The following FRMD4A variants were observed in gnomAD, a reference collection of about 807,000 sequenced individuals.
The protein encoded by FRMD4A is FERM domain containing 4A.
In FRMD4A, 29 loss-of-function variants were observed where a neutral mutation model predicts 129.1. The observed-to-expected ratio is 0.22, with a 90% CI of 0.17 to 0.31. The LOEUF is 0.31. Ranked by LOEUF, FRMD4A falls within the 10% of genes least tolerant of loss-of-function variation. The pLI is 1.00. For synonymous variants in FRMD4A, 634 were observed against 571.6 expected (o/e 1.11, Z -1.56); for missense variants, 1,272 against 1,375.8 (o/e 0.92, Z 1.19).
At chr10:13,858,556 A>C (rs988416224) in intron 3 of FRMD4A, among the ~76,000 whole-genome samples, 2 of 152,186 alleles carry the variant, frequency 1.3e-5, no homozygotes, top group African/African-American at 4.8e-5. Context: ...ATTGTAGTTA[A>C]CTCCTTCCAG....
chr10:13,666,063 G>A (rs1390095835), intron 18 of FRMD4A, 34 bp downstream of exon 18: 2 of 1,346,482 alleles, frequency 1.5e-6, no homozygotes, highest in Non-Finnish European at 1.1e-6. Flanking sequence ...CCCGGGCGTG[G>A]GAGTGGGGTG....
intron 2 of FRMD4A, among the ~76,000 whole-genome samples, chr10:14,103,737 A>T (rs935155529): frequency 3.9e-5 from 6 of 152,182 alleles, no homozygotes; most frequent in Non-Finnish European, 5.9e-5. Context: ...ACCTTATTTC[A>T]CTTGCCCGCC....
chr10:13,740,877 A>G lies in FRMD4A; in HGVS notation c.549-300T>C, dbSNP rs1024861007. 3.8e-5 allele frequency among the ~76,000 whole-genome samples: 5 copies of G among 132,542 alleles called. No homozygotes were observed. In the East Asian group the frequency reaches 6.8e-4, roughly 18 times the overall value. The allele number at this position is 132,542 out of a possible 152,430, so 87.0% of individuals were successfully genotyped here. Reference sequence around the variant, plus strand: ...AGTCTTGCTCTGTCACCCAGGCTAGAGTGCAATGGTGCGATCTTGGTTCAC... The same window carrying G: ...AGTCTTGCTCTGTCACCCAGGCTAGGGTGCAATGGTGCGATCTTGGTTCAC... On this transcript the variant is annotated intron_variant, in intron 9 of 24. Transcript: ENST00000357447.
chr10:13,846,419 G>T (rs1162149159), intron 3 of FRMD4A, among the ~76,000 whole-genome samples: 1 of 152,332 alleles, frequency 6.6e-6, no homozygotes, highest in African/African-American at 2.4e-5. Flanking sequence ...TGAGATCCCC[G>T]CAGAGCCTCC....
At chr10:14,281,937 A>G (rs539209769) in intron 2 of FRMD4A, among the ~76,000 whole-genome samples, 2 of 152,342 alleles carry the variant, frequency 1.3e-5, no homozygotes, top group African/African-American at 4.8e-5. Flanking sequence ...AGACATACCC[A>G]GAGATTGGGT....
intron 2 of FRMD4A, among the ~76,000 whole-genome samples, chr10:14,231,773 G>T (rs371178512): frequency 2.0e-5 from 3 of 152,260 alleles, no homozygotes; most frequent in African/African-American, 7.2e-5. Context: ...TTTTAAGGGG[G>T]TGGGTTGTGT....
intron 2 of FRMD4A, among the ~76,000 whole-genome samples, chr10:14,114,545 G>C: frequency 6.6e-6 from 1 of 152,104 alleles, no homozygotes; most frequent in Non-Finnish European, 1.5e-5. Flanking sequence ...ATGTAGGAGA[G>C]GAAGACCCAA....
At chr10:13,877,030 GA>G (rs1421553653) in intron 2 of FRMD4A, among the ~76,000 whole-genome samples, 1 of 152,084 alleles carries the variant, frequency 6.6e-6, no homozygotes, top group African/African-American at 2.4e-5. Flanking sequence ...TGCCCTCAGT[GA>G]TGGGTGAAGC....
At chr10:13,770,191 G>A (rs1331558748) in intron 6 of FRMD4A, among the ~76,000 whole-genome samples, 1 of 152,100 alleles carries the variant, frequency 6.6e-6, no homozygotes, top group African/African-American at 2.4e-5. Context: ...GGGCAAACAG[G>A]GGCTGTGGTG....
intron 3 of FRMD4A, among the ~76,000 whole-genome samples, chr10:13,832,641 A>C (rs2093808627): frequency 6.6e-6 from 1 of 151,864 alleles, no homozygotes; most frequent in African/African-American, 2.4e-5. Flanking sequence ...GCAACCTTGA[A>C]CTCTTGGGAT....
intron 9 of FRMD4A, among the ~76,000 whole-genome samples, chr10:13,746,101 A>G (rs971501778): frequency 6.6e-6 from 1 of 152,156 alleles, no homozygotes. Context: ...GCTCAGAGAG[A>G]TGAAATTAGG....
intron 2 of FRMD4A, among the ~76,000 whole-genome samples, chr10:14,177,783 G>C (rs1841783188): frequency 6.6e-6 from 1 of 152,166 alleles, no homozygotes; most frequent in Non-Finnish European, 1.5e-5. Flanking sequence ...CTGTATAAGT[G>C]CACCACTTAG....
intron 2 of FRMD4A, among the ~76,000 whole-genome samples, chr10:14,096,794 A>T (rs920027574): frequency 6.6e-6 from 1 of 152,142 alleles, no homozygotes; most frequent in Non-Finnish European, 1.5e-5. Flanking sequence ...ATTCTTTCCC[A>T]CCTACATTAT....
chr10:13,910,747 C>G (rs1306664195), intron 2 of FRMD4A, among the ~76,000 whole-genome samples: 2 of 151,870 alleles, frequency 1.3e-5, no homozygotes, highest in African/African-American at 4.8e-5. Flanking sequence ...ACAATATCAA[C>G]TGGAACCAAT....
intron 2 of FRMD4A, among the ~76,000 whole-genome samples, chr10:14,243,022 T>C (rs907409475): frequency 6.7e-6 from 1 of 148,420 alleles, no homozygotes; most frequent in African/African-American, 2.5e-5. Flanking sequence ...AAATAAAATA[T>C]GGCATCTGTC....
chr10:14,156,921 C>T (rs1277350310), intron 2 of FRMD4A, among the ~76,000 whole-genome samples: 2 of 152,182 alleles, frequency 1.3e-5, no homozygotes, highest in Non-Finnish European at 2.9e-5. Context: ...GCAAAATAGA[C>T]TTGCCAGAAA....
In FRMD4A at chr10:13,644,612, A is replaced by G. The variant is rs1332413563; in HGVS notation, c.*2426T>C. 2 of 152,184 alleles carry G rather than the reference A, an allele frequency of 1.3e-5. No homozygotes were observed. The highest frequency in any genetic ancestry group is 2.9e-5 in the Non-Finnish European group (2 of 68,040). 9.4% of individuals were successfully genotyped at this position (152,184 alleles called of 1,614,324 possible). A position where few individuals can be genotyped will look rare whatever the true frequency, so the allele number is the denominator to read the frequency against. On this transcript the variant is annotated 3_prime_UTR_variant, in exon 25 of 25. Coordinates refer to ENST00000357447, the MANE Select transcript of FRMD4A (RefSeq NM_018027.5). The stretch of plus-strand genomic sequence containing the variant: ...CTCCAGTGGGCTAGAATCTTGATCC[A>G]GTTTTCTCCAGACTAGATTTCAAGC...
chr10:14,313,516 A>G (rs1356975257), intron 2 of FRMD4A, among the ~76,000 whole-genome samples: 1 of 152,222 alleles, frequency 6.6e-6, no homozygotes, highest in Non-Finnish European at 1.5e-5. Flanking sequence ...TGTGTACACA[A>G]TCATAACTGA....
chr10:14,138,969 C>T (rs1839693391), intron 2 of FRMD4A, among the ~76,000 whole-genome samples: 1 of 152,132 alleles, frequency 6.6e-6, no homozygotes, highest in Admixed American at 6.5e-5. Flanking sequence ...TACCCCTGCC[C>T]CTTCCCTGGG....
Sources: gnomAD v4.1 joint callset for allele counts (sites outside exome capture counted in the v4.1 genomes callset) on GRCh38, gnomAD v4.1.1 for gene constraint, MANE v1.5 for transcripts, NCBI Gene and HGNC (gene_info 2026-07-23, HGNC 2026-07-21) for gene names.